The following JMJD1C variants were observed in gnomAD, a reference collection of about 807,000 sequenced individuals.
The protein encoded by JMJD1C is jumonji domain containing 1C.
In JMJD1C, 31 loss-of-function variants were observed where a neutral mutation model predicts 245.3. The observed-to-expected ratio is 0.13, with a 90% CI of 0.09 to 0.17. The LOEUF (loss-of-function observed/expected upper bound fraction) is 0.17. JMJD1C is among the 10% of genes least tolerant of loss of function. The probability of loss-of-function intolerance (pLI) is 1.00; values close to 1 mark genes in which losing one functional copy is unlikely to be tolerated. For missense variants in JMJD1C, 2,691 were observed against 3,000.2 expected (o/e 0.90, Z 2.41); for synonymous variants, 1,057 against 1,017.4 (o/e 1.04, Z -0.74).
intron 2 of JMJD1C, among the ~76,000 whole-genome samples, chr10:63,359,509 T>C (rs1474773802): frequency 2.6e-5 from 4 of 152,246 alleles, no homozygotes; most frequent in Admixed American, 2.6e-4. Flanking sequence ...GCATTCCACA[T>C]AATGTGACCA....
chr10:63,267,824 C>A (rs1855784635), intron 2 of JMJD1C, among the ~76,000 whole-genome samples: 1 of 151,910 alleles, frequency 6.6e-6, no homozygotes, highest in African/African-American at 2.4e-5. Context: ...TAGTTGAGAG[C>A]CTGCATTTCT....
At chr10:63,347,874 A>C (rs902540152) in intron 2 of JMJD1C, among the ~76,000 whole-genome samples, 3 of 152,106 alleles carry the variant, frequency 2.0e-5, no homozygotes, top group African/African-American at 7.2e-5. Flanking sequence ...AGATTGCACC[A>C]CTGCCCTCCA....
intron 1 of JMJD1C, among the ~76,000 whole-genome samples, chr10:63,507,438 G>A (rs1236591269): frequency 6.6e-6 from 1 of 151,990 alleles, no homozygotes; most frequent in Non-Finnish European, 1.5e-5. Context: ...GAAGTCAGGA[G>A]ATCGAGACCA....
At chr10:63,385,969 A>G (rs1373692169) in intron 1 of JMJD1C, among the ~76,000 whole-genome samples, 2 of 152,176 alleles carry the variant, frequency 1.3e-5, no homozygotes, top group Non-Finnish European at 2.9e-5. Flanking sequence ...TACACCAAAC[A>G]TGGAAACTTA....
chr10:63,263,012 T>C (rs183924393), intron 3 of JMJD1C, among the ~76,000 whole-genome samples: 2 of 152,272 alleles, frequency 1.3e-5, no homozygotes, highest in East Asian at 1.9e-4. Context: ...AATTAAAACA[T>C]TAAGATTTGG....
rs1948785855 is a variant in JMJD1C, at chr10:63,400,544, A to C, written c.169-20062T>G. 2.0e-5 allele frequency among the ~76,000 whole-genome samples: 3 copies of C among 151,372 alleles called. No homozygotes were observed. The South Asian group carries it at 6.3e-4, about 32-fold the overall frequency. ...CTCTTTATTTCCTGCCTTGTTCTTG[A>C]GTTTACTTTGTTCTTTTCTGCCTTT... On this transcript the variant is annotated intron_variant, in intron 1 of 25. Coordinates refer to ENST00000399262, the MANE Select transcript of JMJD1C (RefSeq NM_032776.3).
intron 1 of JMJD1C, among the ~76,000 whole-genome samples, chr10:63,500,723 CGATGGATG>C (rs1208128279): frequency 8.3e-6 from 1 of 120,126 alleles, no homozygotes. Flanking sequence ...AAGACTGTCT[CGATGGATG>C]GATGGATGGA....
At chr10:63,455,292 T>C (rs971113278) in intron 1 of JMJD1C, among the ~76,000 whole-genome samples, 14 of 152,204 alleles carry the variant, frequency 9.2e-5, no homozygotes, top group Admixed American at 2.6e-4. Flanking sequence ...TATCTGGGTA[T>C]GAGGTCTAGA....
intron 1 of JMJD1C, among the ~76,000 whole-genome samples, chr10:63,511,423 A>G (rs1020863000): frequency 3.3e-5 from 5 of 152,218 alleles, no homozygotes; most frequent in Non-Finnish European, 7.4e-5. Context: ...TAGAAAATAC[A>G]GTATTTGGCT....
At chr10:63,361,719 T>TAAAAAAAAAAAAAAAA (rs55879769) in intron 2 of JMJD1C, among the ~76,000 whole-genome samples, 2 of 95,548 alleles carry the variant, frequency 2.1e-5, no homozygotes, top group African/African-American at 8.8e-5. Context: ...CTGTCTCAAC[T>TAAAAAAAAAAAAAAAA]AAAAAAAAAA....
chr10:63,331,633 G>A (rs1942160937), intron 2 of JMJD1C, among the ~76,000 whole-genome samples: 1 of 152,068 alleles, frequency 6.6e-6, no homozygotes, highest in Non-Finnish European at 1.5e-5. Flanking sequence ...CATATATATT[G>A]AGCCAGTCTC....
At chr10:63,272,725 A>G (rs1037534709) in intron 2 of JMJD1C, among the ~76,000 whole-genome samples, 4 of 152,264 alleles carry the variant, frequency 2.6e-5, no homozygotes, top group African/African-American at 9.6e-5. Context: ...AATGCTTAAT[A>G]CAGCTTAATA....
At chr10:63,480,207 T>C (rs1458905557) in intron 1 of JMJD1C, among the ~76,000 whole-genome samples, 1 of 152,148 alleles carries the variant, frequency 6.6e-6, no homozygotes, top group Non-Finnish European at 1.5e-5. Context: ...GGGTCCCATT[T>C]CACCAAGATG....
At chr10:63,342,039 T>C (rs1356352328) in intron 2 of JMJD1C, among the ~76,000 whole-genome samples, 6 of 152,226 alleles carry the variant, frequency 3.9e-5, no homozygotes, top group African/African-American at 1.4e-4. Context: ...AAGAATTCTG[T>C]GTGTCAAGTG....
intron 2 of JMJD1C, among the ~76,000 whole-genome samples, chr10:63,350,980 T>C (rs1294963159): frequency 6.6e-6 from 1 of 152,060 alleles, no homozygotes; most frequent in Non-Finnish European, 1.5e-5. Context: ...TGACTAGATA[T>C]GTAAGCAATC....
intron 3 of JMJD1C, among the ~76,000 whole-genome samples, chr10:63,230,136 G>A (rs1482341102): frequency 1.3e-5 from 2 of 152,182 alleles, no homozygotes; most frequent in Admixed American, 6.5e-5. Flanking sequence ...ACTTTGGGAG[G>A]CTGAGGTGGG....
At chr10:63,331,141 C>T (rs991464634) in intron 2 of JMJD1C, among the ~76,000 whole-genome samples, 1 of 152,066 alleles carries the variant, frequency 6.6e-6, no homozygotes, top group African/African-American at 2.4e-5. Flanking sequence ...ATATAATATG[C>T]TAAAACAAAG....
chr10:63,257,215 A>G (rs1400812273), intron 3 of JMJD1C, among the ~76,000 whole-genome samples: 1 of 135,134 alleles, frequency 7.4e-6, no homozygotes, highest in Non-Finnish European at 1.6e-5. Context: ...TGACAGAGTG[A>G]GACTTCATCT....
At chr10:63,355,479 T>C (rs943781099) in intron 2 of JMJD1C, among the ~76,000 whole-genome samples, 1 of 152,210 alleles carries the variant, frequency 6.6e-6, no homozygotes, top group African/African-American at 2.4e-5. Flanking sequence ...TGTTCCATCA[T>C]CACAAGGATC....
Sources: gnomAD v4.1 joint callset for allele counts (sites outside exome capture counted in the v4.1 genomes callset) on GRCh38, gnomAD v4.1.1 for gene constraint, MANE v1.5 for transcripts, NCBI Gene and HGNC (gene_info 2026-07-23, HGNC 2026-07-21) for gene names.